The following ARMC2 variants were observed in gnomAD, a reference collection of about 807,000 sequenced individuals.
ARMC2 encodes armadillo repeat containing 2, also known as armadillo repeat-containing protein 2.
Under a neutral mutation model 90.3 loss-of-function variants are expected in ARMC2, and 67 were observed. That is an observed-to-expected ratio of 0.74 (90% CI 0.61 to 0.91). The LOEUF is 0.91. Ranked by LOEUF, ARMC2 falls within the 40% of genes least tolerant of loss-of-function variation. The probability of loss-of-function intolerance (pLI) is 0.00; values close to 1 mark genes in which losing one functional copy is unlikely to be tolerated. For synonymous variants in ARMC2, 393 were observed against 393.0 expected (o/e 1.00, Z 0.00); for missense variants, 920 against 1,030.9 (o/e 0.89, Z 1.47).
At chr6:108,988,651 T>C in the ARMC2 span, 11 of 1,610,998 alleles carry the variant, frequency 6.8e-6, no homozygotes, top group South Asian at 3.3e-5. Flanking sequence ...TACGATCCAA[T>C]AGCTGGTTAA....
At chr6:109,008,659 C>T in the ARMC2 span, 1 of 429,944 alleles carries the variant, frequency 2.3e-6, no homozygotes, top group African/African-American at 2.2e-5. Flanking sequence ...ATTTAAGGTT[C>T]GAGTTTTACC....
Position 108,904,384 on chromosome 6 carries a change from A to G in ARMC2, c.1002A>G (p.Lys334=). The G allele has an allele frequency of 6.2e-7, 1 of 1,605,788 alleles. No homozygotes were observed. The part of the protein sequence containing the change: ...VDVGSDSLSL[K]LAKIILALKV... ...TTGGTTCAGACTCGCTCAGCCTTAA[A>G]CTTGCAAAAATAATTCTAGCAGTAA... The change falls in exon 8 of 18, where the codon AAA becomes AAG. Residue 334 remains lysine (K), a synonymous_variant. Transcript: ENST00000392644.
At chr6:108,973,229 C>T in intron 17 of ARMC2, 128 bp from the exon 18 acceptor site, 1 of 633,340 alleles carries the variant, frequency 1.6e-6, no homozygotes, top group East Asian at 2.8e-5. Flanking sequence ...TCTCTGAAAT[C>T]CTGTCTTGTG....
At chr6:109,044,933 G>A in the ARMC2 span, among the ~76,000 whole-genome samples, 1 of 152,044 alleles carries the variant, frequency 6.6e-6, no homozygotes, top group East Asian at 1.9e-4. Flanking sequence ...TGAGGCAAGA[G>A]AATCGGTTGA....
intron 16 of ARMC2, among the ~76,000 whole-genome samples, chr6:108,964,548 C>G (rs1778223495): frequency 6.6e-6 from 1 of 152,038 alleles, no homozygotes; most frequent in East Asian, 1.9e-4. Context: ...CCGAGGTGGG[C>G]AGATCACTTG....
chr6:108,962,234 G>A, intron 15 of ARMC2, 107 bp downstream of exon 15: 2 of 941,784 alleles, frequency 2.1e-6, no homozygotes. Context: ...TCCGTTTTGA[G>A]ATTTGTAAAG....
chr6:108,905,991 A>C (rs1772648538), intron 8 of ARMC2, among the ~76,000 whole-genome samples: 1 of 152,176 alleles, frequency 6.6e-6, no homozygotes, highest in Non-Finnish European at 1.5e-5. Flanking sequence ...GTAAAATGTT[A>C]AAAGACTACA....
chr6:108,976,100 A>G (rs935946760), downstream of ARMC2, among the ~76,000 whole-genome samples: 2 of 152,058 alleles, frequency 1.3e-5, no homozygotes, highest in African/African-American at 2.4e-5. Context: ...GAATGGTATT[A>G]TTGCCTAGGT....
At chr6:109,002,415 G>A in the ARMC2 span, 1 of 1,235,846 alleles carries the variant, frequency 8.1e-7, no homozygotes, top group Non-Finnish European at 1.2e-6. Flanking sequence ...AGGAATGGGA[G>A]GGAAAAACAA....
At chr6:108,967,345 G>T (rs564298769) in intron 17 of ARMC2, among the ~76,000 whole-genome samples, 1 of 152,332 alleles carries the variant, frequency 6.6e-6, no homozygotes, top group East Asian at 1.9e-4. Context: ...ACCCAAGCCT[G>T]GGGCAATCAG....
At chr6:109,038,595 A>G in the ARMC2 span, among the ~76,000 whole-genome samples, 1 of 152,262 alleles carries the variant, frequency 6.6e-6, no homozygotes, top group African/African-American at 2.4e-5. Context: ...TCAAGACCAA[A>G]GGGAATACAA....
At chr6:109,035,378 T>A in the ARMC2 span, among the ~76,000 whole-genome samples, 3 of 152,140 alleles carry the variant, frequency 2.0e-5, no homozygotes, top group Admixed American at 1.3e-4. Context: ...ACACTACACC[T>A]CTGTGGTCCC....
intron 12 of ARMC2, among the ~76,000 whole-genome samples, chr6:108,940,601 A>G (rs1776359998): frequency 6.6e-6 from 1 of 152,194 alleles, no homozygotes; most frequent in East Asian, 1.9e-4. Flanking sequence ...AGAAGGGAAG[A>G]TGGAGCTGCC....
chr6:109,029,098 T>C, the ARMC2 span, among the ~76,000 whole-genome samples: 184 of 152,276 alleles, frequency 1.2e-3, no homozygotes, highest in African/African-American at 4.2e-3. Flanking sequence ...CTTCTCTTCT[T>C]AAGGAAATTA....
intron 10 of ARMC2, among the ~76,000 whole-genome samples, chr6:108,921,809 G>A (rs745775905): frequency 3.9e-4 from 59 of 152,324 alleles, no homozygotes; most frequent in Middle Eastern, 3.4e-3. Context: ...TCATCAGTGG[G>A]AAGTCAACAA....
At chr6:108,928,267 A>G (rs754783975) in intron 11 of ARMC2, 34 bp downstream of exon 11, 2 of 1,422,348 alleles carry the variant, frequency 1.4e-6, no homozygotes, top group African/African-American at 2.9e-5. Context: ...AGCCTTACAA[A>G]AATGCTAATG....
intron 5 of ARMC2, among the ~76,000 whole-genome samples, chr6:108,882,295 T>C (rs1350285691): frequency 6.6e-6 from 1 of 151,832 alleles, no homozygotes; most frequent in Non-Finnish European, 1.5e-5. Context: ...AAAAATTAGC[T>C]GGGCATAGTG....
the ARMC2 span, among the ~76,000 whole-genome samples, chr6:109,015,189 C>A: frequency 6.6e-6 from 1 of 152,134 alleles, no homozygotes; most frequent in African/African-American, 2.4e-5. Flanking sequence ...GGCAGGCTGA[C>A]TCTGTGAGGG....
In ARMC2 at chr6:108,879,748, A is replaced by C. The variant is rs546614289; in HGVS notation, c.671+3398A>C. Among the ~76,000 whole-genome samples the C allele has an allele frequency of 1.2e-3, 189 of 152,286 alleles. No homozygotes were observed. The Middle Eastern group carries it at 0.014, about 11-fold the overall frequency. ...TTAGGAGGAAAGCCCAAGAACAGCC[A>C]GTTGTTATGGAGAATCAGGGACTGT... On this transcript the variant is annotated intron_variant, in intron 5 of 17. Coordinates refer to ENST00000392644, the MANE Select transcript of ARMC2 (RefSeq NM_032131.6).
Sources: gnomAD v4.1 joint callset for allele counts (sites outside exome capture counted in the v4.1 genomes callset) on GRCh38, gnomAD v4.1.1 for gene constraint, MANE v1.5 for transcripts, NCBI Gene and HGNC (gene_info 2026-07-23, HGNC 2026-07-21) for gene names.